The following OLFM2 variants were observed in gnomAD, a reference collection of about 807,000 sequenced individuals.
OLFM2 encodes olfactomedin 2.
Under a neutral mutation model 43.9 loss-of-function variants are expected in OLFM2, and 20 were observed. The ratio of observed to expected loss-of-function variants is 0.46; its 90% CI spans 0.32 to 0.66. The LOEUF is 0.66. Among genes scored for constraint, OLFM2 ranks in the 30% least tolerant of loss-of-function variants. The pLI is 0.04. For synonymous variants in OLFM2, 268 were observed against 278.6 expected, an observed-to-expected ratio of 0.96 and a Z score of 0.38; for missense variants, 416 against 643.6, an observed-to-expected ratio of 0.65 and a Z score of 3.83.
At chr19:9,923,576 AAAAGAAAG>A (rs1223928278) in intron 1 of OLFM2, among the ~76,000 whole-genome samples, 1 of 150,700 alleles carries the variant, frequency 6.6e-6, no homozygotes, top group Non-Finnish European at 1.5e-5. Flanking sequence ...AAAAAGAAAG[AAAAGAAAG>A]AAAGAAAGAA....
chr19:9,899,075 G>A (rs1258519383), intron 1 of OLFM2, among the ~76,000 whole-genome samples: 2 of 152,056 alleles, frequency 1.3e-5, no homozygotes, highest in Admixed American at 1.3e-4. Context: ...GACCAGCCCA[G>A]CCAACATGGC....
intron 1 of OLFM2, among the ~76,000 whole-genome samples, chr19:9,865,782 G>A (rs1470428345): frequency 7.4e-5 from 11 of 148,400 alleles, no homozygotes; most frequent in African/African-American, 1.5e-4. Flanking sequence ...ATGAGCCACC[G>A]TGCCCGGCCC....
intron 1 of OLFM2, among the ~76,000 whole-genome samples, chr19:9,868,036 G>A (rs1164941296): frequency 1.3e-5 from 2 of 151,754 alleles, no homozygotes; most frequent in Non-Finnish European, 2.9e-5. Flanking sequence ...CTGAGTAGGT[G>A]GGACTACAGG....
chr19:9,855,646 A>G (rs1486012317), intron 5 of OLFM2, among the ~76,000 whole-genome samples: 6 of 150,838 alleles, frequency 4.0e-5, no homozygotes, highest in Non-Finnish European at 1.5e-5. Context: ...CAATCCTCTC[A>G]CCTCAGCCCC....
intron 1 of OLFM2, among the ~76,000 whole-genome samples, chr19:9,881,551 G>T (rs946752804): frequency 1.3e-5 from 2 of 152,102 alleles, no homozygotes; most frequent in Non-Finnish European, 2.9e-5. Flanking sequence ...AGCAGGGTTG[G>T]TTCCTTCAAG....
chr19:9,906,851 C>G (rs780363679), intron 1 of OLFM2, among the ~76,000 whole-genome samples: 3 of 152,180 alleles, frequency 2.0e-5, no homozygotes, highest in Non-Finnish European at 4.4e-5. Context: ...TTGGCCCTAG[C>G]TACCCTCCCC....
chr19:9,923,571 GAAAGA>G (rs2086433371), intron 1 of OLFM2, among the ~76,000 whole-genome samples: 1 of 95,080 alleles, frequency 1.1e-5, no homozygotes, highest in African/African-American at 3.9e-5. Flanking sequence ...AAAAAAAAAA[GAAAGA>G]AAAGAAAGAA....
Position 9,886,045 on chromosome 19 carries a change from C to G in OLFM2, c.64-25251G>C, listed in dbSNP as rs546386489. ...CCAGAAGGTTGAGGCTGCAGTGAGCCATGATTGCACCCCTGCACTCCAGCC... is the reference window on the plus strand; with the variant it reads ...CCAGAAGGTTGAGGCTGCAGTGAGCGATGATTGCACCCCTGCACTCCAGCC... On this transcript the variant is annotated intron_variant, in intron 1 of 5. Coordinates refer to ENST00000264833, the MANE Select transcript of OLFM2 (RefSeq NM_058164.4). Among the ~76,000 whole-genome samples the G allele has an allele frequency of 9.9e-5, 15 of 151,114 alleles. No individual in the cohort carries two copies. In the South Asian group the frequency reaches 2.9e-3, roughly 29 times the overall value.
At chr19:9,925,008 A>G (rs1371498865) in intron 1 of OLFM2, among the ~76,000 whole-genome samples, 1 of 152,138 alleles carries the variant, frequency 6.6e-6, no homozygotes, top group Admixed American at 6.6e-5. Context: ...CATGCCTGTA[A>G]TCCCAGCACT....
Position 9,860,741 on chromosome 19 carries a change from G to A in OLFM2, c.117C>T (p.Ala39=). The change falls in exon 2 of 6, where the codon GCC becomes GCT. Residue 39 remains alanine (A), a synonymous_variant. Coordinates refer to ENST00000264833, the MANE Select transcript of OLFM2 (RefSeq NM_058164.4). ...EGWQLYTSAQ[A]PDGKCICTAV... ...CCGTGCAGATGCATTTCCCGTCAGG[G>A]GCCTGGGCTGAGGTGTACAGCTGCC... 1 of 1,609,514 alleles carries A rather than the reference G, an allele frequency of 6.2e-7. No homozygotes were observed. Among genetic ancestry groups the A allele is most frequent in the Non-Finnish European group, 8.5e-7 (1 of 1,178,310 alleles).
chr19:9,921,635 C>T (rs1303325959), intron 1 of OLFM2, among the ~76,000 whole-genome samples: 1 of 151,984 alleles, frequency 6.6e-6, no homozygotes, highest in Admixed American at 6.6e-5. Flanking sequence ...ACTACAGGCG[C>T]CCGCCACCAC....
chr19:9,932,478 AAGAG>A (rs1462454937), intron 1 of OLFM2, among the ~76,000 whole-genome samples: 4 of 151,358 alleles, frequency 2.6e-5, no homozygotes, highest in African/African-American at 7.3e-5. Context: ...AAAAGAAAGA[AAGAG>A]AGAGAAAGAA....
rs762113139 is a variant in OLFM2, at chr19:9,857,348, C to T, written c.495G>A (p.Glu165=). 6.2e-7 allele frequency: 1 copy of T among 1,614,182 alleles called. No homozygotes were observed. The highest frequency in any genetic ancestry group is 2.2e-5 in the East Asian group (1 of 44,882). The part of the protein sequence containing the change: ...NLSGSLAAIQ[E]EMGAYGYEDL... ...CCTCATACCCGTAGGCACCCATCTC[C>T]TCCTGAATGGCCGCCAGACTGCCGG... is the stretch of plus-strand genomic sequence containing the variant. Residue 165 remains glutamate (E), a synonymous_variant, in exon 4 of 6, where the codon GAG becomes GAA. Coordinates refer to ENST00000264833, the MANE Select transcript of OLFM2 (RefSeq NM_058164.4). This position sits in a 1 kb window ranked among gnomAD's most constrained non-coding sequence, Gnocchi z 5.7.
intron 1 of OLFM2, among the ~76,000 whole-genome samples, chr19:9,890,013 C>T (rs2145464276): frequency 6.6e-6 from 1 of 151,534 alleles, no homozygotes; most frequent in East Asian, 1.9e-4. Context: ...GAAGGAGGAG[C>T]CGGGAGGAGA....
At chr19:9,900,364 C>T (rs1375531203) in intron 1 of OLFM2, among the ~76,000 whole-genome samples, 1 of 152,092 alleles carries the variant, frequency 6.6e-6, no homozygotes, top group Non-Finnish European at 1.5e-5. Flanking sequence ...GATGGAGGCA[C>T]ACCACGGTGG....
At chr19:9,915,125 G>C (rs1001628715) in intron 1 of OLFM2, among the ~76,000 whole-genome samples, 2 of 152,172 alleles carry the variant, frequency 1.3e-5, no homozygotes, top group Non-Finnish European at 2.9e-5. Flanking sequence ...TAAAGGGCTT[G>C]GTCATCCTGA....
intron 1 of OLFM2, among the ~76,000 whole-genome samples, chr19:9,929,966 GA>G (rs2086472996): frequency 6.6e-6 from 1 of 152,126 alleles, no homozygotes; most frequent in Admixed American, 6.6e-5. Flanking sequence ...TTGAACCCAG[GA>G]GGCAGAGGTT....
intron 1 of OLFM2, among the ~76,000 whole-genome samples, chr19:9,915,230 TTTCTC>T (rs2046865239): frequency 1.7e-5 from 2 of 117,984 alleles, no homozygotes; most frequent in Non-Finnish European, 3.7e-5. Context: ...TTCTTTTTCT[TTTCTC>T]TCTCTTTTTT....
intron 1 of OLFM2, among the ~76,000 whole-genome samples, chr19:9,894,410 AATAAAT>A (rs2046664478): frequency 2.4e-5 from 2 of 83,012 alleles, no homozygotes; most frequent in African/African-American, 9.4e-5. Flanking sequence ...TAATAATAAT[AATAAAT>A]AAATAAAATA....
Sources: gnomAD v4.1 joint callset for allele counts (sites outside exome capture counted in the v4.1 genomes callset) on GRCh38, gnomAD v4.1.1 for gene constraint, Gnocchi (gnomAD v3.1) non-coding constraint, MANE v1.5 for transcripts, NCBI Gene and HGNC (gene_info 2026-07-23, HGNC 2026-07-21) for gene names.